Variants in ROPN1L observed in about 807,000 individuals in gnomAD.
The protein encoded by ROPN1L is ropporin-1-like protein.
Under a neutral mutation model 22.7 loss-of-function variants are expected in ROPN1L, and 23 were observed. That is an observed-to-expected ratio of 1.01 (90% confidence interval 0.73 to 1.43). ROPN1L has a LOEUF of 1.43. Ranked by LOEUF, ROPN1L falls within the 40% of genes most tolerant of loss-of-function variation. ROPN1L has a pLI of 0.00. For synonymous variants in ROPN1L, 116 were observed against 117.8 expected (o/e 0.98, Z 0.10); for missense variants, 271 against 291.5 (o/e 0.93, Z 0.51).
At chr5:10,468,432 G>A (rs1016061646), downstream of ROPN1L, among the ~76,000 whole-genome samples, 7 of 152,324 alleles carry the variant, frequency 4.6e-5, 1 homozygote, top group South Asian at 1.2e-3. Context: ...TCCCTATTCT[G>A]TTGATTTTGA....
downstream of ROPN1L, among the ~76,000 whole-genome samples, chr5:10,474,928 T>TTA: frequency 6.6e-6 from 1 of 152,104 alleles, no homozygotes; most frequent in Admixed American, 6.5e-5. Flanking sequence ...ATCACACAGT[T>TTA]AAAAAAACAA....
At chr5:10,466,899 C>T (rs1007253836), downstream of ROPN1L, among the ~76,000 whole-genome samples, 3 of 152,164 alleles carry the variant, frequency 2.0e-5, no homozygotes, top group Non-Finnish European at 4.4e-5. Flanking sequence ...GGAGGCCTCT[C>T]TCCGTGGCTT....
chr5:10,472,895 C>T (rs1480713787), downstream of ROPN1L, among the ~76,000 whole-genome samples: 1 of 152,214 alleles, frequency 6.6e-6, no homozygotes, highest in Non-Finnish European at 1.5e-5. Context: ...CCTGCTTGCC[C>T]TGCTCTCCCA....
chr5:10,452,105 C>G (rs1490277664), intron 3 of ROPN1L, among the ~76,000 whole-genome samples: 1 of 151,978 alleles, frequency 6.6e-6, no homozygotes, highest in South Asian at 2.1e-4. Flanking sequence ...CTCAGCCTCC[C>G]GAGTAGCTGG....
rs1740897467 is a variant in ROPN1L at position 10,442,091 on chromosome 5, C to T, written c.-77C>T. On this transcript the variant is annotated 5_prime_UTR_variant, in exon 1 of 5. Coordinates refer to ENST00000274134, the MANE Select transcript of ROPN1L (RefSeq NM_031916.5). Reference sequence around the variant, plus strand: ...AGCCCCGCGCTGCTAGCGGGTCCACCGCGTCGTAGCCGACAGCCGCCCTTC... The same window carrying T: ...AGCCCCGCGCTGCTAGCGGGTCCACTGCGTCGTAGCCGACAGCCGCCCTTC... The T allele has an allele frequency of 1.3e-6, 2 of 1,555,670 alleles. No homozygotes were observed. The highest frequency in any genetic ancestry group is 1.8e-6 in the Non-Finnish European group (2 of 1,142,552).
At position 10,464,954 on chromosome 5, in the gene ROPN1L, G is replaced by A. The variant is rs1735126565; in HGVS notation, c.*7G>A. ...TGAAGATGTAGGCCATTAATACAGA[G>A]AAGAATACATTTTAATGTCAAAATA... On this transcript the variant is annotated 3_prime_UTR_variant, in exon 5 of 5. Coordinates refer to ENST00000274134, the MANE Select transcript of ROPN1L (RefSeq NM_031916.5). 1.3e-6 allele frequency: 2 copies of A among 1,506,324 alleles called. No homozygotes were observed. Among genetic ancestry groups the A allele is most frequent in the Non-Finnish European group, 1.8e-6 (2 of 1,104,736 alleles). 93.3% of individuals were successfully genotyped at this position (1,506,324 alleles called of 1,614,324 possible). A position where few individuals can be genotyped will look rare whatever the true frequency, so the allele number is the denominator to read the frequency against.
At chr5:10,448,945 G>C (rs1408733696) in intron 2 of ROPN1L, among the ~76,000 whole-genome samples, 1 of 152,248 alleles carries the variant, frequency 6.6e-6, no homozygotes, top group Non-Finnish European at 1.5e-5. Context: ...GGGTCACGGA[G>C]CAAGGCTAGG....
At chr5:10,453,931 T>G (rs1202905479) in intron 3 of ROPN1L, among the ~76,000 whole-genome samples, 2 of 152,176 alleles carry the variant, frequency 1.3e-5, no homozygotes, top group African/African-American at 4.8e-5. Flanking sequence ...GTTATATCCT[T>G]GAAGCCCTGA....
intron 3 of ROPN1L, among the ~76,000 whole-genome samples, chr5:10,456,447 C>CACTGAACTCCAGCCTGGGT (rs1403644633): frequency 6.6e-6 from 1 of 152,224 alleles, no homozygotes; most frequent in Non-Finnish European, 1.5e-5. Flanking sequence ...AAGATCGCAT[C>CACTGAACTCCAGCCTGGGT]ACTGAACTCC....
At chr5:10,464,800 A>G (rs1735121480) in intron 4 of ROPN1L, 48 bp from the exon 5 acceptor site, 1 of 1,105,440 alleles carries the variant, frequency 9.0e-7, no homozygotes. Flanking sequence ...GTTACTAAGT[A>G]TATGATGAGA....
chr5:10,462,924 A>G (rs1311592776), intron 4 of ROPN1L, among the ~76,000 whole-genome samples: 7 of 151,996 alleles, frequency 4.6e-5, no homozygotes, highest in African/African-American at 9.7e-5. Context: ...TAATAATAAT[A>G]ATAACTTAAA....
At chr5:10,477,312 T>C in the ROPN1L span, among the ~76,000 whole-genome samples, 2 of 152,192 alleles carry the variant, frequency 1.3e-5, no homozygotes, top group African/African-American at 2.4e-5. Flanking sequence ...GGGCACTGTG[T>C]GGGGCGCTCC....
chr5:10,480,520 G>A, the ROPN1L span, among the ~76,000 whole-genome samples: 1 of 152,056 alleles, frequency 6.6e-6, no homozygotes, highest in Non-Finnish European at 1.5e-5. Flanking sequence ...GCGTGTGCTT[G>A]GGGTGGGTCG....
At chr5:10,462,079 A>G (rs2126467141) in intron 4 of ROPN1L, among the ~76,000 whole-genome samples, 1 of 152,300 alleles carries the variant, frequency 6.6e-6, no homozygotes, top group African/African-American at 2.4e-5. Flanking sequence ...CACCTAAGCC[A>G]TCAGCCCCTC....
At chr5:10,470,460 C>G (rs1324967864) in intron 4 of ROPN1L, among the ~76,000 whole-genome samples, 3 of 152,264 alleles carry the variant, frequency 2.0e-5, no homozygotes, top group African/African-American at 7.2e-5. Flanking sequence ...TCCCTCTCAA[C>G]TCTTCCATCC....
downstream of ROPN1L, among the ~76,000 whole-genome samples, chr5:10,475,322 A>G (rs1166588173): frequency 3.3e-5 from 5 of 152,146 alleles, no homozygotes; most frequent in Admixed American, 2.0e-4. Context: ...CATATCTGCT[A>G]TTCATATATT....
intron 3 of ROPN1L, among the ~76,000 whole-genome samples, chr5:10,457,790 T>C (rs1009999614): frequency 2.0e-5 from 3 of 152,138 alleles, no homozygotes; most frequent in Non-Finnish European, 4.4e-5. Context: ...GCCCTTTCCC[T>C]GCATCTGCAG....
chr5:10,460,211 C>G (rs1734990895), intron 3 of ROPN1L, among the ~76,000 whole-genome samples: 1 of 152,242 alleles, frequency 6.6e-6, no homozygotes, highest in South Asian at 2.1e-4. Context: ...GCTATGTGTT[C>G]TCTTTTGAAA....
In ROPN1L at chr5:10,464,869, GA is replaced by G; in HGVS notation, c.616del (p.Ile206Ter). 1 of 1,604,450 alleles carries G rather than the reference GA, an allele frequency of 6.2e-7. No individual in the cohort carries two copies. The highest frequency in any genetic ancestry group is 8.5e-7 in the Non-Finnish European group (1 of 1,176,412). Reference protein sequence around the residue: ...ENIDARKNGMIGLSDFFFPKR... With the variant: ...ENIDARKNGMXGLSDFFFPKR... ...TTAGAGACGCCAGGAAGAACGGCAT[GA>G]TAGGTCTTTCAGATTTCTTCTTTCC... On this transcript the variant is annotated frameshift_variant, in exon 5 of 5. Coordinates refer to ENST00000274134, the MANE Select transcript of ROPN1L (RefSeq NM_031916.5). LOFTEE classifies it low-confidence loss of function (END_TRUNC).
Sources: gnomAD v4.1 joint callset for allele counts (sites outside exome capture counted in the v4.1 genomes callset) on GRCh38, gnomAD v4.1.1 for gene constraint, MANE v1.5 for transcripts, NCBI Gene and HGNC (gene_info 2026-07-23, HGNC 2026-07-21) for gene names.